The following SEMA4A variants were observed in gnomAD, a reference collection of about 807,000 sequenced individuals.
The protein encoded by SEMA4A is semaphorin-4A.
SEMA4A carries 52 observed loss-of-function variants against 72.5 expected under a neutral mutation model. The ratio of observed to expected loss-of-function variants is 0.72; its 90% CI spans 0.57 to 0.90. The LOEUF (loss-of-function observed/expected upper bound fraction) is 0.90, where lower values mean the gene tolerates loss of function less well. Among genes scored for constraint, SEMA4A ranks in the 40% least tolerant of loss-of-function variants. The pLI, the probability that SEMA4A is intolerant of heterozygous loss-of-function variation, is 0.00. For missense variants in SEMA4A, 926 were observed against 959.7 expected, an observed-to-expected ratio of 0.96 and a Z score of 0.46; for synonymous variants, 369 against 393.1, an observed-to-expected ratio of 0.94 and a Z score of 0.73.
In SEMA4A at chr1:156,160,529, A is replaced by G. The variant is rs1169739322; in HGVS notation, c.655A>G (p.Lys219Glu). 7 of 1,614,090 alleles carry G rather than the reference A, an allele frequency of 4.3e-6. No homozygotes were observed. Among genetic ancestry groups the G allele is most frequent in the East Asian group, 2.2e-5 (1 of 44,880 alleles). Residue 219 changes from lysine (K) to glutamate (E), a missense_variant, in exon 7 of 15, where the codon AAG (lysine) becomes GAG (glutamate). Physicochemically the swap from Lys to Glu is moderately conservative, Grantham distance 56. Coordinates refer to ENST00000368285, the MANE Select transcript of SEMA4A (RefSeq NM_022367.4). ...MRTLGSQPVL[K>E]TDNFLRWLHH... Reference sequence around the variant, plus strand: ...CACACTGGGATCCCAGCCTGTCCTCAAGACCGACAACTTCCTCCGCTGGCT... The same window carrying G: ...CACACTGGGATCCCAGCCTGTCCTCGAGACCGACAACTTCCTCCGCTGGCT...
chr1:156,154,223 A>C, intron 1 of SEMA4A: 1 of 308,530 alleles, frequency 3.2e-6, no homozygotes, highest in Non-Finnish European at 6.2e-6. Context: ...AGGGAAGGCA[A>C]AGGAGGAAAG....
rs577699691 is a variant in SEMA4A, at chr1:156,177,363, G to A, written c.*366G>A. ...AAACCTGCCTGTCCCAGGACCCTAT[G>A]GTAATGAACACCAAACATCTAAACA... On this transcript the variant is annotated 3_prime_UTR_variant, in exon 15 of 15. Transcript: ENST00000368285. The A allele has an allele frequency of 3.0e-4, 108 of 361,214 alleles. No homozygotes were observed. The highest frequency in any genetic ancestry group is 1.0e-3 in the South Asian group (41 of 39,056). 22.4% of individuals were successfully genotyped at this position (361,214 alleles called of 1,614,324 possible). A position where few individuals can be genotyped will look rare whatever the true frequency, so the allele number is the denominator to read the frequency against.
Position 156,175,471 on chromosome 1 carries a change from C to T in SEMA4A, c.1593-85C>T, listed in dbSNP as rs948579336. 2.3e-5 allele frequency: 28 copies of T among 1,201,620 alleles called. 1 individual carries two copies. In the Admixed American group the frequency reaches 5.4e-4, roughly 23 times the overall value. 74.4% of individuals were successfully genotyped at this position (1,201,620 alleles called of 1,614,324 possible). On this transcript the variant is annotated intron_variant, in intron 13 of 14. Coordinates refer to ENST00000368285, the MANE Select transcript of SEMA4A (RefSeq NM_022367.4). ...CTAGTCTCCCCTGGCCTACCTTCTT[C>T]CCTACTGCACTTCCTCCCTTCCTCC...
Position 156,160,960 on chromosome 1 carries a change from C to G in SEMA4A, c.741C>G (p.Phe247Leu), listed in dbSNP as rs1315148021. 6.2e-7 allele frequency: 1 copy of G among 1,613,012 alleles called. No individual in the cohort carries two copies. Residue 247 changes from phenylalanine to leucine, a missense_variant, in exon 8 of 15, where the codon TTC (phenylalanine) becomes TTG (leucine). Phe to Leu is a conservative substitution (Grantham distance 22). Transcript: ENST00000368285. ...CGACCCAGGTCGTCTACTTCTTCTT[C>G]GAGGAGACAGCCAGCGAGTTTGACT... is the stretch of plus-strand genomic sequence containing the variant. ...IPSTQVVYFFFEETASEFDFF... is the reference protein window; with the variant it reads ...IPSTQVVYFFLEETASEFDFF...
rs762781654 is a variant in SEMA4A at position 156,175,581 on chromosome 1, C to G, written c.1618C>G (p.Arg540Gly). Residue 540 changes from arginine to glycine, a missense_variant, in exon 14 of 15, where the codon CGG becomes GGG. By Grantham distance (125) the Arg-to-Gly change is moderately radical (BLOSUM62 -2). Coordinates refer to ENST00000368285, the MANE Select transcript of SEMA4A (RefSeq NM_022367.4). ...GAACTCCTGGAAGCAGGACATGGAG[C>G]GGGGGAACCCAGAGTGGGCATGTGC... Reference protein sequence around the residue: ...NLNSWKQDMERGNPEWACASG... With the variant: ...NLNSWKQDMEGGNPEWACASG... 1 of 1,613,522 alleles carries G rather than the reference C, an allele frequency of 6.2e-7. No homozygotes were observed. Among genetic ancestry groups the G allele is most frequent in the East Asian group, 2.2e-5 (1 of 44,866 alleles).
chr1:156,160,174 G>A (rs1473239131), intron 6 of SEMA4A, among the ~76,000 whole-genome samples: 1 of 152,104 alleles, frequency 6.6e-6, no homozygotes, highest in Non-Finnish European at 1.5e-5. Context: ...GGTTCAGCTA[G>A]GTATGTGACG....
chr1:156,154,766 G>A (rs750629887), intron 2 of SEMA4A, 49 bp downstream of exon 2: 1 of 1,555,908 alleles, frequency 6.4e-7, no homozygotes, highest in South Asian at 1.2e-5. Flanking sequence ...GAGAGCTGGA[G>A]GTGGGTGGAG....
rs1655349175 is a variant in SEMA4A at position 156,176,507 on chromosome 1, C to T, written c.1796C>T (p.Pro599Leu). Reference sequence around the variant, plus strand: ...TGGAGTCATGGCCCAGCAGCAGTCCCAGAAGCCTCTTCCACTGTCTACAAT... The same window carrying T: ...TGGAGTCATGGCCCAGCAGCAGTCCTAGAAGCCTCTTCCACTGTCTACAAT... ...YYWSHGPAAV[P>L]EASSTVYNGS... The change falls in exon 15 of 15, where the codon CCA becomes CTA. Residue 599 changes from proline to leucine, a missense_variant. Coordinates refer to ENST00000368285, the MANE Select transcript of SEMA4A (RefSeq NM_022367.4). 9.3e-6 allele frequency: 15 copies of T among 1,614,030 alleles called. No individual in the cohort carries two copies. Among genetic ancestry groups the T allele is most frequent in the Non-Finnish European group, 1.3e-5 (15 of 1,180,028 alleles).
intron 10 of SEMA4A, 85 bp from the exon 11 acceptor site, chr1:156,172,741 G>T (rs1237400486): frequency 1.6e-6 from 2 of 1,269,776 alleles, no homozygotes; most frequent in Non-Finnish European, 1.2e-6. Context: ...GAGGGAGGGG[G>T]TAAAGGGAGA....
chr1:156,164,799 T>G (rs1217232085), intron 10 of SEMA4A, among the ~76,000 whole-genome samples: 7 of 152,032 alleles, frequency 4.6e-5, no homozygotes, highest in African/African-American at 1.7e-4. Flanking sequence ...TTTTTATTTA[T>G]TTTTATTTTT....
At chr1:156,153,869 C>G (rs1363663274) in intron 1 of SEMA4A, 105 bp downstream of exon 1, 1 of 152,366 alleles carries the variant, frequency 6.6e-6, no homozygotes, top group East Asian at 1.9e-4. Context: ...GCTGCAGAGG[C>G]TGGGAGCCGG....
chr1:156,176,903 G>A lies in SEMA4A; in HGVS notation c.2192G>A (p.Ser731Asn). Residue 731 changes from serine to asparagine, a missense_variant, in exon 15 of 15, where the codon AGC becomes AAC. Coordinates refer to ENST00000368285, the MANE Select transcript of SEMA4A (RefSeq NM_022367.4). The part of the protein sequence containing the change: ...TLRPGEKAPL[S>N]REQHLQSPKE... Reference sequence around the variant, plus strand: ...CGCCCTGGGGAGAAGGCCCCGTTAAGCAGAGAGCAACACCTCCAGTCTCCC... The same window carrying A: ...CGCCCTGGGGAGAAGGCCCCGTTAAACAGAGAGCAACACCTCCAGTCTCCC... 6.2e-7 allele frequency: 1 copy of A among 1,614,262 alleles called. No homozygotes were observed. The highest frequency in any genetic ancestry group is 1.3e-5 in the African/African-American group (1 of 75,070).
intron 8 of SEMA4A, 52 bp downstream of exon 8, chr1:156,161,081 G>A (rs1169154655): frequency 6.3e-7 from 1 of 1,590,862 alleles, no homozygotes; most frequent in South Asian, 1.1e-5. Flanking sequence ...CCAATAGGGA[G>A]ATGGCAGGGG....
Position 156,161,008 on chromosome 1 carries a change from G to C in SEMA4A, c.789G>C (p.Ser263=). 6.2e-7 allele frequency: 1 copy of C among 1,610,430 alleles called. No homozygotes were observed. Among genetic ancestry groups the C allele is most frequent in the Non-Finnish European group, 8.5e-7 (1 of 1,178,850 alleles). The change falls in exon 8 of 15, where the codon TCG becomes TCC. Residue 263 remains serine, a synonymous_variant. Coordinates refer to ENST00000368285, the MANE Select transcript of SEMA4A (RefSeq NM_022367.4). ...ACTTCTTTGAGAGGCTCCACACATC[G>C]CGGGTGGCTAGAGTCTGCAAGGTCC... is the stretch of plus-strand genomic sequence containing the variant. The part of the protein sequence containing the change: ...EFDFFERLHT[S]RVARVCKNDV...
chr1:156,175,657 G>C lies in SEMA4A; in HGVS notation c.1693+1G>C, dbSNP rs772953024. 1 of 1,598,876 alleles carries C rather than the reference G, an allele frequency of 6.3e-7. No homozygotes were observed. Among genetic ancestry groups the C allele is most frequent in the Non-Finnish European group, 8.5e-7 (1 of 1,171,226 alleles). Reference sequence around the variant, plus strand: ...CGGCCTCAGAGCCGCCCGCAAATCAGTGAGTGTAGGACCACTCACCAGGGG... The same window carrying C: ...CGGCCTCAGAGCCGCCCGCAAATCACTGAGTGTAGGACCACTCACCAGGGG... On this transcript the variant is annotated splice_donor_variant, in intron 14 of 14. Coordinates refer to ENST00000368285, the MANE Select transcript of SEMA4A (RefSeq NM_022367.4). LOFTEE classifies it high-confidence loss of function.
intron 10 of SEMA4A, among the ~76,000 whole-genome samples, chr1:156,168,555 C>CTT (rs894350851): frequency 6.7e-6 from 1 of 148,980 alleles, no homozygotes; most frequent in African/African-American, 2.5e-5. Context: ...TCTTCTTCTT[C>CTT]TTTTTTTTTT....
At chr1:156,158,507 C>A (rs372337033) in intron 5 of SEMA4A, 21 bp downstream of exon 5, 3 of 1,566,970 alleles carry the variant, frequency 1.9e-6, no homozygotes, top group African/African-American at 1.4e-5. Context: ...TGGTGCCCAG[C>A]GCTCAGGCCC....
chr1:156,148,319 G>GA (rs141113350), upstream of SEMA4A, among the ~76,000 whole-genome samples: 3,221 of 152,334 alleles, frequency 0.021, 108 homozygotes, highest in African/African-American at 0.074. Flanking sequence ...AGAGAAGCCT[G>GA]AACAGGCAGG....
At chr1:156,169,417 T>C (rs928671802) in intron 10 of SEMA4A, among the ~76,000 whole-genome samples, 3 of 132,718 alleles carry the variant, frequency 2.3e-5, no homozygotes, top group Admixed American at 1.5e-4. Context: ...CTTTTTTTTT[T>C]TTTTTTTTTT....
Sources: allele counts gnomAD v4.1 joint callset (sites outside exome capture counted in the v4.1 genomes callset), GRCh38; gene constraint gnomAD v4.1.1; transcripts MANE v1.5; gene names NCBI Gene and HGNC (gene_info 2026-07-23, HGNC 2026-07-21).